DISC1: variants seen among roughly 807,000 people sequenced by gnomAD.
DISC1 encodes the protein DISC1 scaffold protein, also known as disrupted in schizophrenia 1 protein.
Under a neutral mutation model 84.5 loss-of-function variants are expected in DISC1, and 57 were observed. The observed-to-expected ratio is 0.67, with a 90% CI of 0.55 to 0.84. The LOEUF is 0.84. DISC1 is among the 40% of genes least tolerant of loss of function. The probability of loss-of-function intolerance (pLI) is 0.00; values close to 1 mark genes in which losing one functional copy is unlikely to be tolerated. For synonymous variants in DISC1, 411 were observed against 415.2 expected, an observed-to-expected ratio of 0.99 and a Z score of 0.12; for missense variants, 1,000 against 1,057.8, an observed-to-expected ratio of 0.95 and a Z score of 0.76.
chr1:231,987,793 G>A (rs192680183), intron 10 of DISC1, among the ~76,000 whole-genome samples: 32 of 152,300 alleles, frequency 2.1e-4, no homozygotes, highest in African/African-American at 6.7e-4. Flanking sequence ...GTTTTGTGAC[G>A]TGTATGTTAC....
chr1:231,827,133 G>A (rs7515719), intron 9 of DISC1, among the ~76,000 whole-genome samples: 37,136 of 151,736 alleles, frequency 0.24, 4,848 homozygotes, highest in Non-Finnish European at 0.27. Context: ...GATTACAGGC[G>A]CCCGCCACCA....
chr1:231,780,252 G>GAAAAAAAAAAAAAAAAAAAAAAAAAAAAA (rs34768925), intron 6 of DISC1, among the ~76,000 whole-genome samples: 1 of 120,238 alleles, frequency 8.3e-6, no homozygotes, highest in Non-Finnish European at 1.7e-5. Flanking sequence ...AAAAAAAAAA[G>GAAAAAAAAAAAAAAAAAAAAAAAAAAAAA]AAAAGGAAAG....
intron 1 of DISC1, among the ~76,000 whole-genome samples, chr1:231,646,175 C>A (rs1228385249): frequency 6.6e-6 from 1 of 151,718 alleles, no homozygotes; most frequent in Non-Finnish European, 1.5e-5. Context: ...CACAACAGTC[C>A]CTGGTGTGTG....
intron 1 of DISC1, among the ~76,000 whole-genome samples, chr1:231,643,639 C>T (rs553391124): frequency 1.3e-5 from 2 of 152,336 alleles, no homozygotes; most frequent in South Asian, 4.1e-4. Flanking sequence ...CACATCTCTG[C>T]CAGCTCTTGT....
intron 9 of DISC1, among the ~76,000 whole-genome samples, chr1:231,887,891 C>T (rs575155399): frequency 5.2e-4 from 79 of 152,248 alleles, no homozygotes; most frequent in African/African-American, 1.8e-3. Flanking sequence ...TTTATGAATA[C>T]GTGAATTACA....
rs532796193 is a variant in DISC1 at position 232,024,597 on chromosome 1, AT to A, written c.2308-1825del. Among the ~76,000 whole-genome samples, 144 of 145,010 alleles carry A rather than the reference AT, an allele frequency of 9.9e-4. 1 individual carries two copies. The highest frequency in any genetic ancestry group is 3.8e-3 in the East Asian group (19 of 5,008). ...GTATCTTAATAGTTTCCCTTATGCA[AT>A]TTTTTTTTTTTTGAGACAGCGTCTT... On this transcript the variant is annotated intron_variant, in intron 11 of 12. Transcript: ENST00000439617.
chr1:232,004,599 A>T (rs1227921923), intron 10 of DISC1, among the ~76,000 whole-genome samples: 1 of 152,230 alleles, frequency 6.6e-6, no homozygotes, highest in Non-Finnish European at 1.5e-5. Flanking sequence ...TGGGAAAATG[A>T]TAGGGAACCC....
At chr1:231,972,568 CT>C (rs1252416803) in intron 10 of DISC1, among the ~76,000 whole-genome samples, 2 of 152,170 alleles carry the variant, frequency 1.3e-5, no homozygotes, top group Non-Finnish European at 2.9e-5. Context: ...AAGAAGGATT[CT>C]TCTCTAAGAA....
chr1:231,627,601 A>C (rs2058369388), intron 1 of DISC1, among the ~76,000 whole-genome samples: 2 of 152,166 alleles, frequency 1.3e-5, no homozygotes, highest in South Asian at 4.1e-4. Context: ...CTTAGTGATG[A>C]TTGTGGATGG....
intron 2 of DISC1, 75 bp from the exon 3 acceptor site, chr1:231,701,880 G>T: frequency 7.9e-7 from 1 of 1,257,956 alleles, no homozygotes; most frequent in Admixed American, 2.2e-5. Context: ...GTTTCTAAAT[G>T]TTCTTAGTTT....
chr1:231,874,774 G>GGT (rs1258357640), intron 9 of DISC1, among the ~76,000 whole-genome samples: 2 of 151,908 alleles, frequency 1.3e-5, no homozygotes, highest in African/African-American at 2.4e-5. Context: ...AGCCAGGCGT[G>GGT]GTGGCGGGTG....
intron 10 of DISC1, among the ~76,000 whole-genome samples, chr1:232,007,716 T>C (rs534576138): frequency 1.3e-5 from 2 of 152,310 alleles, no homozygotes; most frequent in Admixed American, 6.5e-5. Context: ...TGGGGTACTG[T>C]TGGAAAAGCA....
chr1:232,001,825 G>A (rs1666729544), intron 10 of DISC1, among the ~76,000 whole-genome samples: 1 of 152,118 alleles, frequency 6.6e-6, no homozygotes, highest in Non-Finnish European at 1.5e-5. Context: ...CTAAGGCAAG[G>A]CAAAGATTTC....
intron 9 of DISC1, among the ~76,000 whole-genome samples, chr1:231,835,145 A>G (rs950405722): frequency 6.6e-6 from 1 of 152,224 alleles, no homozygotes. Flanking sequence ...ACCAGAGGTC[A>G]TAGGTGGATC....
intron 1 of DISC1, among the ~76,000 whole-genome samples, chr1:231,645,364 CAA>C (rs1475384122): frequency 6.6e-6 from 1 of 152,132 alleles, no homozygotes; most frequent in Non-Finnish European, 1.5e-5. Context: ...TTGTACAAGT[CAA>C]ACCAGGGCCT....
rs566679942 is a variant in DISC1 at position 231,767,495 on chromosome 1, G to A, written c.1398+226G>A. Reference sequence around the variant, plus strand: ...TATTTTTAGTAGATATCAGGTCTTAGTATGTTGCTCAGGCTGCTCTTGAAC... The same window carrying A: ...TATTTTTAGTAGATATCAGGTCTTAATATGTTGCTCAGGCTGCTCTTGAAC... On this transcript the variant is annotated intron_variant, in intron 5 of 12. Transcript: ENST00000439617. 2.6e-5 allele frequency among the ~76,000 whole-genome samples: 4 copies of A among 152,278 alleles called. No homozygotes were observed. In the South Asian group the frequency reaches 6.2e-4, roughly 24 times the overall value.
At chr1:231,788,911 T>G (rs2078101732) in intron 6 of DISC1, among the ~76,000 whole-genome samples, 1 of 145,212 alleles carries the variant, frequency 6.9e-6, no homozygotes. Context: ...CCCACTTATT[T>G]CTTAGAAGAC....
intron 11 of DISC1, among the ~76,000 whole-genome samples, chr1:232,017,629 T>A (rs1215278853): frequency 1.3e-5 from 2 of 152,066 alleles, no homozygotes; most frequent in Non-Finnish European, 2.9e-5. Flanking sequence ...GGTAAGCAGT[T>A]GAGTCACGGC....
chr1:231,632,605 G>C (rs1005232286), intron 1 of DISC1, among the ~76,000 whole-genome samples: 2 of 152,216 alleles, frequency 1.3e-5, no homozygotes, highest in African/African-American at 4.8e-5. Context: ...GGTGAGAAAA[G>C]TGAGAAACAG....
Sources: allele counts gnomAD v4.1 joint callset (sites outside exome capture counted in the v4.1 genomes callset), GRCh38; gene constraint gnomAD v4.1.1; transcripts MANE v1.5; gene names NCBI Gene and HGNC (gene_info 2026-07-23, HGNC 2026-07-21).